The following ZNF26 variants were observed in gnomAD, a reference collection of about 807,000 sequenced individuals.
The protein encoded by ZNF26 is epididymis luminal protein 179.
A neutral mutation model predicts 54.9 loss-of-function variants in ZNF26; 32 were observed. The observed-to-expected ratio is 0.58, with a 90% CI of 0.44 to 0.78. The LOEUF is 0.78. Ranked by LOEUF, ZNF26 falls within the 30% of genes least tolerant of loss-of-function variation. The pLI is 0.00. For synonymous variants in ZNF26, 221 were observed against 209.2 expected (o/e 1.06, Z -0.49); for missense variants, 524 against 634.0 (o/e 0.83, Z 1.86).
rs2137263009 is a variant in ZNF26, at chr12:133,011,545, T to A, written c.*64T>A. 10 of 1,457,578 alleles carry A rather than the reference T, an allele frequency of 6.9e-6. No individual in the cohort carries two copies. In the East Asian group the frequency reaches 2.4e-4, roughly 34 times the overall value. The allele number at this position is 1,457,578 out of a possible 1,614,324, so 90.3% of individuals were successfully genotyped here. On this transcript the variant is annotated 3_prime_UTR_variant, in exon 4 of 4. Transcript: ENST00000328654. ...GAGACTTCGGATAATATAGACAGGA[T>A]TTACAAGCAGGAGGCCCTAAAATTA...
chr12:133,021,136 T>G lies in ZNF26; in HGVS notation c.*9655T>G, dbSNP rs1953634670. ...CTTTTTCATTTTTTTTTTTTTTTTTTGAGACGGAATCTCACTCTGTCACCA... is the reference window on the plus strand; with the variant it reads ...CTTTTTCATTTTTTTTTTTTTTTTTGGAGACGGAATCTCACTCTGTCACCA... On this transcript the variant is annotated 3_prime_UTR_variant, in exon 4 of 4. Coordinates refer to ENST00000328654, the MANE Select transcript of ZNF26 (RefSeq NM_019591.4). 3.6e-5 allele frequency: 2 copies of G among 55,758 alleles called. No individual in the cohort carries two copies. The highest frequency in any genetic ancestry group is 1.9e-4 in the Admixed American group (1 of 5,130). The allele number at this position is 55,758 out of a possible 1,614,324, so 3.5% of individuals were successfully genotyped here.
chr12:132,986,917 GGGT>G, intron 1 of ZNF26, 44 bp downstream of exon 1: 1 of 1,573,702 alleles, frequency 6.4e-7, no homozygotes, highest in Non-Finnish European at 8.7e-7. Context: ...TGGATACTGA[GGGT>G]GGCCACGTTA....
rs1367741112 is a variant in ZNF26, at chr12:133,022,659, CAA to C, written c.*11181_*11182del. On this transcript the variant is annotated 3_prime_UTR_variant, in exon 4 of 4. Coordinates refer to ENST00000328654, the MANE Select transcript of ZNF26 (RefSeq NM_019591.4). ...TATCTCAATACAAATTTAATTAAAA[CAA>C]AATAAATCTGATAAAGATGTAAAAG... 359 of 151,560 alleles carry C rather than the reference CAA, an allele frequency of 2.4e-3. 1 individual carries two copies. The highest frequency in any genetic ancestry group is 8.4e-3 in the African/African-American group (346 of 40,980). 9.4% of individuals were successfully genotyped at this position (151,560 alleles called of 1,614,324 possible).
intron 1 of ZNF26, among the ~76,000 whole-genome samples, chr12:132,996,671 C>T (rs1016011518): frequency 1.3e-5 from 2 of 152,160 alleles, no homozygotes; most frequent in Non-Finnish European, 2.9e-5. Flanking sequence ...TTGCTTCAAT[C>T]TCTTTGTACT....
rs1953499549 is a variant in ZNF26, at chr12:133,012,526, T to G, written c.*1045T>G. 6.6e-6 allele frequency: 1 copy of G among 151,758 alleles called. No homozygotes were observed. Among genetic ancestry groups the G allele is most frequent in the African/African-American group, 2.4e-5 (1 of 41,334 alleles). The allele number at this position is 151,758 out of a possible 1,614,324, so 9.4% of individuals were successfully genotyped here. On this transcript the variant is annotated 3_prime_UTR_variant, in exon 4 of 4. Coordinates refer to ENST00000328654, the MANE Select transcript of ZNF26 (RefSeq NM_019591.4). ...CCCTTTAGAACCTGCTTCTCTGATC[T>G]GTGTGTTTCCTCACTTCTCAATAAA...
intron 1 of ZNF26, among the ~76,000 whole-genome samples, chr12:132,997,603 A>G (rs995723968): frequency 1.3e-3 from 196 of 152,336 alleles, no homozygotes; most frequent in African/African-American, 4.5e-3. Context: ...CTGATATTGC[A>G]GAGCTTTAGC....
chr12:133,014,540 T>C lies in ZNF26; in HGVS notation c.*3059T>C. ...GTTTTGCTTTCTGTTTTTTTTTTTG[T>C]TTTGTTTTGTTTTTTTTTTTTTTTG... On this transcript the variant is annotated 3_prime_UTR_variant, in exon 4 of 4. Transcript: ENST00000328654. The C allele has an allele frequency of 6.7e-6, 1 of 149,904 alleles. No individual in the cohort carries two copies. The highest frequency in any genetic ancestry group is 1.5e-5 in the Non-Finnish European group (1 of 67,442). The allele number at this position is 149,904 out of a possible 1,614,324, so 9.3% of individuals were successfully genotyped here. A position where few individuals can be genotyped will look rare whatever the true frequency, so the allele number is the denominator to read the frequency against.
intron 3 of ZNF26, among the ~76,000 whole-genome samples, chr12:133,009,206 A>G (rs1274658686): frequency 6.6e-6 from 1 of 152,252 alleles, no homozygotes; most frequent in Admixed American, 6.5e-5. Flanking sequence ...GACTGCTACA[A>G]TAGCTTCCTA....
chr12:132,999,568 A>G (rs902927016), intron 1 of ZNF26, among the ~76,000 whole-genome samples: 2 of 151,998 alleles, frequency 1.3e-5, no homozygotes, highest in African/African-American at 4.8e-5. Context: ...ATGTGTTTTT[A>G]AAGAAAATGA....
At chr12:132,991,517 C>T (rs1305583552) in intron 1 of ZNF26, among the ~76,000 whole-genome samples, 4 of 151,642 alleles carry the variant, frequency 2.6e-5, no homozygotes, top group Non-Finnish European at 4.4e-5. Flanking sequence ...ATAAAAATAG[C>T]TAGGCATGGT....
chr12:133,006,128 C>G, intron 1 of ZNF26: 1 of 985,344 alleles, frequency 1.0e-6, no homozygotes. Context: ...CCTCCCAGCC[C>G]CCACTCTTTG....
chr12:132,987,343 G>A (rs1952845294), intron 1 of ZNF26, among the ~76,000 whole-genome samples: 1 of 152,162 alleles, frequency 6.6e-6, no homozygotes, highest in Non-Finnish European at 1.5e-5. Flanking sequence ...TGGTGGAGAG[G>A]GTAGTCTAGT....
intron 1 of ZNF26, chr12:133,004,433 T>C (rs2137245553): frequency 6.6e-6 from 1 of 152,350 alleles, no homozygotes; most frequent in Non-Finnish European, 1.5e-5. Context: ...TGCTCACCGT[T>C]GTATCCAGCT....
In ZNF26 at chr12:132,986,517, G is replaced by T. The variant is rs1566248893; in HGVS notation, c.-324G>T. ...CTCGGATTATCCTGGGCAGACCAGA[G>T]ACTTGACCAGCTAAACACTTCCGTC... On this transcript the variant is annotated 5_prime_UTR_variant, in exon 1 of 4. Transcript: ENST00000328654. 1.1e-5 allele frequency: 5 copies of T among 461,302 alleles called. No individual in the cohort carries two copies. The highest frequency in any genetic ancestry group is 3.4e-5 in the Admixed American group (1 of 29,644). 28.6% of individuals were successfully genotyped at this position (461,302 alleles called of 1,614,324 possible). A position where few individuals can be genotyped will look rare whatever the true frequency, so the allele number is the denominator to read the frequency against.
At position 133,003,461 on chromosome 12, in the gene ZNF26, A is replaced by T. The variant is rs1032133470; in HGVS notation, c.34-3581A>T. Reference sequence around the variant, plus strand: ...AGTAGAGACGGGGTTTCACCGTGTTAGCCAGGATGGTCTCGATCTCGTGAC... The same window carrying T: ...AGTAGAGACGGGGTTTCACCGTGTTTGCCAGGATGGTCTCGATCTCGTGAC... On this transcript the variant is annotated intron_variant, in intron 1 of 3. Transcript: ENST00000328654. 2.0e-5 allele frequency among the ~76,000 whole-genome samples: 3 copies of T among 151,902 alleles called. No homozygotes were observed. In the South Asian group the frequency reaches 6.2e-4, roughly 31 times the overall value.
chr12:133,000,526 G>A (rs1012347645), intron 1 of ZNF26, among the ~76,000 whole-genome samples: 2 of 147,730 alleles, frequency 1.4e-5, no homozygotes, highest in African/African-American at 2.5e-5. Context: ...CAGGGTTCAC[G>A]CCATTCTCCT....
rs2137280987 is a variant in ZNF26 at position 133,020,661 on chromosome 12, C to T, written c.*9180C>T. On this transcript the variant is annotated 3_prime_UTR_variant, in exon 4 of 4. Transcript: ENST00000328654. The stretch of plus-strand genomic sequence containing the variant: ...GAACAATCGTATAAGTTGTCTAGGA[C>T]TGTCGTAACAAAGAACCACAAACTG... 6.6e-6 allele frequency: 1 copy of T among 152,268 alleles called. No individual in the cohort carries two copies. Among genetic ancestry groups the T allele is most frequent in the East Asian group, 1.9e-4 (1 of 5,188 alleles). 9.4% of individuals were successfully genotyped at this position (152,268 alleles called of 1,614,324 possible).
At chr12:132,991,026 T>G (rs1952938945) in intron 1 of ZNF26, among the ~76,000 whole-genome samples, 1 of 151,194 alleles carries the variant, frequency 6.6e-6, no homozygotes, top group Non-Finnish European at 1.5e-5. Flanking sequence ...GCCCGGCTAA[T>G]TTTTGCGTTT....
intron 1 of ZNF26, among the ~76,000 whole-genome samples, chr12:132,994,435 T>C (rs1206897355): frequency 1.3e-5 from 2 of 152,224 alleles, no homozygotes; most frequent in Non-Finnish European, 2.9e-5. Context: ...ACTGGAACTA[T>C]TAATTTTTGA....
Sources: allele counts gnomAD v4.1 joint callset (sites outside exome capture counted in the v4.1 genomes callset), GRCh38; gene constraint gnomAD v4.1.1; transcripts MANE v1.5; gene names NCBI Gene and HGNC (gene_info 2026-07-23, HGNC 2026-07-21).